Variants in PCDHGB4 observed in about 807,000 individuals in gnomAD.
The protein encoded by PCDHGB4 is protocadherin gamma-B4.
Under a neutral mutation model 60.5 loss-of-function variants are expected in PCDHGB4, and 38 were observed. The ratio of observed to expected loss-of-function variants is 0.63; its 90% CI spans 0.48 to 0.82. The LOEUF (loss-of-function observed/expected upper bound fraction) is 0.82, where lower values mean the gene tolerates loss of function less well. Among genes scored for constraint, PCDHGB4 ranks in the 40% least tolerant of loss-of-function variants. The probability of loss-of-function intolerance (pLI) is 0.00; values close to 1 mark genes in which losing one functional copy is unlikely to be tolerated. For synonymous variants in PCDHGB4, 456 were observed against 509.7 expected, an observed-to-expected ratio of 0.89 and a Z score of 1.42; for missense variants, 1,109 against 1,209.6, an observed-to-expected ratio of 0.92 and a Z score of 1.23.
intron 1 of PCDHGB4, chr5:141,423,316 G>C (rs1424301976): frequency 1.2e-6 from 2 of 1,614,044 alleles, no homozygotes; most frequent in Non-Finnish European, 1.7e-6. Context: ...CTTGGTGGTG[G>C]CGGTGGCCGC....
intron 1 of PCDHGB4, chr5:141,428,404 T>A (rs375988962): frequency 2.3e-5 from 11 of 476,688 alleles, no homozygotes; most frequent in East Asian, 2.1e-4. Flanking sequence ...TGCCTGGGGT[T>A]GCTTTCACCC....
At chr5:141,433,854 A>T (rs2097660850) in intron 1 of PCDHGB4, among the ~76,000 whole-genome samples, 1 of 151,852 alleles carries the variant, frequency 6.6e-6, no homozygotes, top group African/African-American at 2.4e-5. Context: ...AAAAAAAAAA[A>T]ACTTTATCCT....
chr5:141,489,275 A>C lies in PCDHGB4; in HGVS notation c.2398-5532A>C. On this transcript the variant is annotated intron_variant, in intron 1 of 3. Transcript: ENST00000519479. This position sits in a 1 kb window ranked among gnomAD's most constrained non-coding sequence, Gnocchi z 4.5. ...AAGACACTCCCACAGCTCGCTGGGA[A>C]ATGGCAAGTGCTGTGCATGTTGTCC... The C allele has an allele frequency of 4.5e-6, 7 of 1,556,298 alleles. No individual in the cohort carries two copies. Among genetic ancestry groups the C allele is most frequent in the Non-Finnish European group, 6.1e-6 (7 of 1,151,600 alleles).
intron 2 of PCDHGB4, among the ~76,000 whole-genome samples, chr5:141,504,355 C>T (rs974022699): frequency 6.6e-6 from 1 of 152,078 alleles, no homozygotes; most frequent in Non-Finnish European, 1.5e-5. Flanking sequence ...GTGCTAGGTG[C>T]TTCAGTAGGA....
intron 1 of PCDHGB4, chr5:141,410,165 T>G: frequency 1.9e-6 from 3 of 1,613,714 alleles, no homozygotes; most frequent in Non-Finnish European, 2.5e-6. Flanking sequence ...GCCGCCACTC[T>G]CTGCCACCGC....
At chr5:141,505,673 G>C (rs1389292278) in intron 3 of PCDHGB4, among the ~76,000 whole-genome samples, 192 bp downstream of exon 3, 1 of 152,178 alleles carries the variant, frequency 6.6e-6, no homozygotes, top group East Asian at 1.9e-4. Context: ...AGGGGTTGGG[G>C]GTCCTGGGAT....
chr5:141,477,245 A>G lies in PCDHGB4; in HGVS notation c.2398-17562A>G. On this transcript the variant is annotated intron_variant, in intron 1 of 3. Transcript: ENST00000519479. The surrounding 1 kb of genome is among the most constrained non-coding windows in gnomAD (Gnocchi z 4.9). ...GACTGTCATCGCTTTGCTCAGTGTG[A>G]CTGACCTGGATGCTGGCGAGAACGG... 3.7e-6 allele frequency: 6 copies of G among 1,614,128 alleles called. No homozygotes were observed. The highest frequency in any genetic ancestry group is 5.1e-6 in the Non-Finnish European group (6 of 1,180,026).
At chr5:141,409,069 A>G (rs886525915) in intron 1 of PCDHGB4, 5 of 1,614,008 alleles carry the variant, frequency 3.1e-6, no homozygotes, top group Non-Finnish European at 4.2e-6. Context: ...AGAGCACAAA[A>G]CATATGTTCT....
At chr5:141,414,231 C>T (rs2095722548) in intron 1 of PCDHGB4, 1 of 1,613,304 alleles carries the variant, frequency 6.2e-7, no homozygotes, top group South Asian at 1.1e-5. Flanking sequence ...CAGAGCTGAC[C>T]ATCACGTCTC....
chr5:141,477,536 G>T lies in PCDHGB4; in HGVS notation c.2398-17271G>T. 1.2e-6 allele frequency: 2 copies of T among 1,614,076 alleles called. No homozygotes were observed. Among genetic ancestry groups the T allele is most frequent in the Non-Finnish European group, 1.7e-6 (2 of 1,180,018 alleles). ...CATTGAAGAAAACAACCTCCCCGGG[G>T]CTCCAATACTAAACCTAAGTGTCTG... On this transcript the variant is annotated intron_variant, in intron 1 of 3. Coordinates refer to ENST00000519479, the MANE Select transcript of PCDHGB4 (RefSeq NM_003736.4). The surrounding 1 kb of genome is among the most constrained non-coding windows in gnomAD (Gnocchi z 4.9).
At chr5:141,419,472 G>T in intron 1 of PCDHGB4, 1 of 1,612,328 alleles carries the variant, frequency 6.2e-7, no homozygotes, top group South Asian at 1.1e-5. Flanking sequence ...CGCGACCAGG[G>T]CTCGCCCGCG....
intron 1 of PCDHGB4, chr5:141,397,962 A>G (rs968992832): frequency 2.0e-5 from 21 of 1,036,912 alleles, no homozygotes; most frequent in Non-Finnish European, 2.8e-5. Flanking sequence ...CCCAGCTCAG[A>G]CTCCCCAGCG....
chr5:141,488,672 G>A (rs1012955473), intron 1 of PCDHGB4, among the ~76,000 whole-genome samples: 20 of 152,208 alleles, frequency 1.3e-4, no homozygotes, highest in African/African-American at 4.8e-4. Context: ...GAATACATGG[G>A]CTTTGCCTCT....
At chr5:141,500,192 A>T (rs865941565) in intron 2 of PCDHGB4, among the ~76,000 whole-genome samples, 1 of 110,142 alleles carries the variant, frequency 9.1e-6, no homozygotes, top group Non-Finnish European at 2.0e-5. Context: ...ATTTTTATTT[A>T]TTTATTTATT....
rs1404447940 is a variant in PCDHGB4 at position 141,428,036 on chromosome 5, C to T, written c.2397+37755C>T. On this transcript the variant is annotated intron_variant, in intron 1 of 3. Transcript: ENST00000519479. ...TGCCACGCGCCGCAGAGTCCGGCTA[C>T]CTGGTGACCAAGGTGGTGGCGGTGG... The T allele has an allele frequency of 3.7e-6, 6 of 1,608,246 alleles. No homozygotes were observed. The African/African-American group carries it at 4.0e-5, about 11-fold the overall frequency.
intron 1 of PCDHGB4, chr5:141,414,717 C>T: frequency 6.2e-7 from 1 of 1,614,152 alleles, no homozygotes; most frequent in Non-Finnish European, 8.5e-7. Flanking sequence ...TCAACTCAGA[C>T]ACTGGCGTCC....
intron 1 of PCDHGB4, chr5:141,419,727 C>G (rs1344063538): frequency 6.2e-7 from 1 of 1,613,582 alleles, no homozygotes; most frequent in Admixed American, 1.7e-5. Flanking sequence ...GGGCTGCGAA[C>G]AGGCGAGGTG....
At chr5:141,452,161 A>G (rs559274240) in intron 1 of PCDHGB4, among the ~76,000 whole-genome samples, 1 of 152,204 alleles carries the variant, frequency 6.6e-6, no homozygotes, top group South Asian at 2.1e-4. Context: ...GTTATATTCT[A>G]TTACTAACAT....
intron 1 of PCDHGB4, among the ~76,000 whole-genome samples, chr5:141,474,448 A>G (rs1350019257): frequency 3.3e-5 from 5 of 152,204 alleles, no homozygotes; most frequent in Non-Finnish European, 5.9e-5. Context: ...GTAGCAAGTG[A>G]TTGGGCTATA....
Sources: allele counts gnomAD v4.1 joint callset (sites outside exome capture counted in the v4.1 genomes callset), GRCh38; gene constraint gnomAD v4.1.1; non-coding constraint Gnocchi (gnomAD v3.1); transcripts MANE v1.5; gene names NCBI Gene and HGNC (gene_info 2026-07-23, HGNC 2026-07-21).